MRPS25: variants seen among roughly 807,000 people sequenced by gnomAD.
MRPS25 encodes mitochondrial ribosomal protein S25, also known as small ribosomal subunit protein mS25.
Under a neutral mutation model 17.3 loss-of-function variants are expected in MRPS25, and 15 were observed. That is an observed-to-expected ratio of 0.87 (90% confidence interval 0.58 to 1.34). The LOEUF (loss-of-function observed/expected upper bound fraction) is 1.34, where lower values mean the gene tolerates loss of function less well. MRPS25 is among the 40% of genes most tolerant of loss of function. MRPS25 has a pLI of 0.00. For missense variants in MRPS25, 225 were observed against 218.6 expected, an observed-to-expected ratio of 1.03 and a Z score of -0.19; for synonymous variants, 94 against 83.3, an observed-to-expected ratio of 1.13 and a Z score of -0.70.
In MRPS25 at chr3:15,050,687, T is replaced by A; in HGVS notation, c.*1754A>T. On this transcript the variant is annotated 3_prime_UTR_variant, in exon 4 of 4. Coordinates refer to ENST00000253686, the MANE Select transcript of MRPS25 (RefSeq NM_022497.5). ...TGCTGATAGCAGAGAGACAAGATGC[T>A]AGATTTCAATTAAACACTCCCTTTG... 3 of 985,404 alleles carry A rather than the reference T, an allele frequency of 3.0e-6. No homozygotes were observed. Among genetic ancestry groups the A allele is most frequent in the Non-Finnish European group, 3.6e-6 (3 of 829,936 alleles). 61.0% of individuals were successfully genotyped at this position (985,404 alleles called of 1,614,324 possible). A position where few individuals can be genotyped will look rare whatever the true frequency, so the allele number is the denominator to read the frequency against.
chr3:15,051,924 G>C lies in MRPS25; in HGVS notation c.*517C>G. The stretch of plus-strand genomic sequence containing the variant: ...TAATCAACTGTACTTAAAAAAGTGA[G>C]CACTGCACGAAGGGTTGCCTTTGGA... On this transcript the variant is annotated 3_prime_UTR_variant, in exon 4 of 4. Transcript: ENST00000253686. 1 of 985,660 alleles carries C rather than the reference G, an allele frequency of 1.0e-6. No homozygotes were observed. Among genetic ancestry groups the C allele is most frequent in the Non-Finnish European group, 1.2e-6 (1 of 830,126 alleles). 61.1% of individuals were successfully genotyped at this position (985,660 alleles called of 1,614,324 possible).
intron 1 of MRPS25, among the ~76,000 whole-genome samples, chr3:15,060,958 C>T (rs983536352): frequency 6.6e-6 from 1 of 152,154 alleles, no homozygotes; most frequent in African/African-American, 2.4e-5. Context: ...GAGACCCTCA[C>T]AGCACACAGA....
chr3:15,065,309 T>C lies in MRPS25; in HGVS notation c.-115A>G, dbSNP rs2042840006. On this transcript the variant is annotated 5_prime_UTR_variant, in exon 1 of 4. Transcript: ENST00000253686. Reference sequence around the variant, plus strand: ...GCTTCTCCCCAGAGCCAGGTTCCACTTCCCGCGCAGACGCACAGGAGACGC... The same window carrying C: ...GCTTCTCCCCAGAGCCAGGTTCCACCTCCCGCGCAGACGCACAGGAGACGC... The C allele has an allele frequency of 7.2e-7, 1 of 1,384,586 alleles. No homozygotes were observed. Among genetic ancestry groups the C allele is most frequent in the South Asian group, 1.5e-5 (1 of 65,932 alleles). 85.8% of individuals were successfully genotyped at this position (1,384,586 alleles called of 1,614,324 possible).
chr3:15,063,143 C>A (rs1251159089), intron 1 of MRPS25, among the ~76,000 whole-genome samples: 2 of 151,916 alleles, frequency 1.3e-5, no homozygotes, highest in African/African-American at 2.4e-5. Flanking sequence ...GACTCTCCAA[C>A]CCCAGAAGGT....
rs1187103153 is a variant in MRPS25, at chr3:15,062,462, G to A, written c.134+2599C>T. Among the ~76,000 whole-genome samples the A allele has an allele frequency of 3.0e-5, 4 of 134,310 alleles. No individual in the cohort carries two copies. The East Asian group carries it at 6.8e-4, about 23-fold the overall frequency. The allele number at this position is 134,310 out of a possible 152,430, so 88.1% of individuals were successfully genotyped here. A position where few individuals can be genotyped will look rare whatever the true frequency, so the allele number is the denominator to read the frequency against. On this transcript the variant is annotated intron_variant, in intron 1 of 3. Transcript: ENST00000253686. ...GGGAGGTGGGGGGGGTCAGCCCCCT[G>A]CCCGGCCAGCCGCCCCGTCCAGGAG...
In MRPS25 at chr3:15,059,354, G is replaced by A. The variant is rs555195390; in HGVS notation, c.241+15C>T. 5.7e-6 allele frequency: 9 copies of A among 1,568,580 alleles called. No individual in the cohort carries two copies. In the African/African-American group the frequency reaches 6.8e-5, roughly 12 times the overall value. On this transcript the variant is annotated intron_variant, in intron 2 of 3. Transcript: ENST00000253686. ...TCTGGGACAGCCCCTGGACCATGGCGAGGGCCCCACTCACCTAAGTAGAAT... is the reference window on the plus strand; with the variant it reads ...TCTGGGACAGCCCCTGGACCATGGCAAGGGCCCCACTCACCTAAGTAGAAT...
In MRPS25 at chr3:15,051,546, C is replaced by T. The variant is rs1424237814; in HGVS notation, c.*895G>A. ...GCTGTCTTCTGGAGGCTGAAACCTC[C>T]ACTTTAGCATAACTAAAGTGACAGT... On this transcript the variant is annotated 3_prime_UTR_variant, in exon 4 of 4. Coordinates refer to ENST00000253686, the MANE Select transcript of MRPS25 (RefSeq NM_022497.5). 1 of 985,286 alleles carries T rather than the reference C, an allele frequency of 1.0e-6. No individual in the cohort carries two copies. Among genetic ancestry groups the T allele is most frequent in the Non-Finnish European group, 1.2e-6 (1 of 829,938 alleles). The allele number at this position is 985,286 out of a possible 1,614,324, so 61.0% of individuals were successfully genotyped here.
chr3:15,065,245 C>G lies in MRPS25; in HGVS notation c.-51G>C. 4 of 1,539,224 alleles carry G rather than the reference C, an allele frequency of 2.6e-6. No individual in the cohort carries two copies. The highest frequency in any genetic ancestry group is 3.5e-6 in the Non-Finnish European group (4 of 1,144,144). On this transcript the variant is annotated 5_prime_UTR_variant, in exon 1 of 4. Coordinates refer to ENST00000253686, the MANE Select transcript of MRPS25 (RefSeq NM_022497.5). ...CCACGGGCCGCGAGCCGAGCAGCGA[C>G]GAGAAAGGACTAGCTAGCACCCGCG...
intron 1 of MRPS25, among the ~76,000 whole-genome samples, chr3:15,064,024 T>C (rs986519779): frequency 1.3e-5 from 2 of 152,104 alleles, no homozygotes; most frequent in African/African-American, 4.8e-5. Flanking sequence ...GCAGAGCAAA[T>C]GGCTAGGAAG....
At chr3:15,055,366 C>T (rs58288089) in intron 2 of MRPS25, among the ~76,000 whole-genome samples, 2 of 152,044 alleles carry the variant, frequency 1.3e-5, no homozygotes, top group African/African-American at 4.8e-5. Flanking sequence ...AATAAGCATA[C>T]GAAATGATGA....
downstream of MRPS25, chr3:15,043,390 TTA>T: frequency 6.5e-6 from 1 of 154,702 alleles, no homozygotes; most frequent in South Asian, 2.1e-4. Context: ...GTCCTTGGAA[TTA>T]TAGATACTAA....
intron 2 of MRPS25, among the ~76,000 whole-genome samples, chr3:15,055,902 T>A (rs1001790975): frequency 1.3e-4 from 7 of 52,992 alleles, no homozygotes; most frequent in African/African-American, 9.6e-4. Flanking sequence ...AAGCAGCCCG[T>A]TTTTTTTTTT....
chr3:15,064,853 C>G (rs951140859), intron 1 of MRPS25, among the ~76,000 whole-genome samples: 1 of 152,210 alleles, frequency 6.6e-6, no homozygotes, highest in Non-Finnish European at 1.5e-5. Flanking sequence ...CTCCGCCCCC[C>G]AAACCTCGTC....
At position 15,065,287 on chromosome 3, in the gene MRPS25, T is replaced by G. The variant is rs1314972635; in HGVS notation, c.-93A>C. ...GCACCCGCGCGGATCTCACGCGGCT[T>G]CTCCCCAGAGCCAGGTTCCACTTCC... On this transcript the variant is annotated 5_prime_UTR_variant, in exon 1 of 4. Coordinates refer to ENST00000253686, the MANE Select transcript of MRPS25 (RefSeq NM_022497.5). 7.0e-7 allele frequency: 1 copy of G among 1,434,804 alleles called. No homozygotes were observed. The highest frequency in any genetic ancestry group is 9.2e-7 in the Non-Finnish European group (1 of 1,091,812). The allele number at this position is 1,434,804 out of a possible 1,614,324, so 88.9% of individuals were successfully genotyped here. A position where few individuals can be genotyped will look rare whatever the true frequency, so the allele number is the denominator to read the frequency against.
intron 1 of MRPS25, among the ~76,000 whole-genome samples, chr3:15,064,002 A>G (rs1186276050): frequency 6.6e-6 from 1 of 152,234 alleles, no homozygotes; most frequent in Non-Finnish European, 1.5e-5. Context: ...CCAAGTTATC[A>G]GATTCACCTG....
At chr3:15,061,497 C>T (rs899169403) in intron 1 of MRPS25, among the ~76,000 whole-genome samples, 3 of 152,322 alleles carry the variant, frequency 2.0e-5, no homozygotes, top group East Asian at 1.9e-4. Context: ...GGATTGCAGA[C>T]GGTGTCTGGT....
chr3:15,042,665 G>A, downstream of MRPS25: 1 of 603,348 alleles, frequency 1.7e-6, no homozygotes, highest in Non-Finnish European at 2.9e-6. Flanking sequence ...TTTTTCTCAT[G>A]ATAAATTTCT....
intron 3 of MRPS25, 28 bp downstream of exon 3, chr3:15,053,352 T>C (rs756497113): frequency 1.5e-5 from 25 of 1,614,044 alleles, no homozygotes; most frequent in Non-Finnish European, 2.1e-5. Flanking sequence ...AGAAGTTTGT[T>C]CCTTCCAGGT....
At chr3:15,044,411 C>T (rs528469143), downstream of MRPS25, 3 of 152,078 alleles carry the variant, frequency 2.0e-5, no homozygotes, top group African/African-American at 4.8e-5. Flanking sequence ...GATAGTCTTT[C>T]TCCTCATAAA....
Sources: gnomAD v4.1 joint callset for allele counts (sites outside exome capture counted in the v4.1 genomes callset) on GRCh38, gnomAD v4.1.1 for gene constraint, MANE v1.5 for transcripts, NCBI Gene and HGNC (gene_info 2026-07-23, HGNC 2026-07-21) for gene names.